DENND1A: variants seen among roughly 807,000 people sequenced by gnomAD.
DENND1A encodes DENN domain containing 1A.
A neutral mutation model predicts 113.7 loss-of-function variants in DENND1A; 51 were observed. The ratio of observed to expected loss-of-function variants is 0.45; its 90% CI spans 0.36 to 0.57. DENND1A has a LOEUF of 0.57. Ranked by LOEUF, DENND1A falls within the 20% of genes least tolerant of loss-of-function variation. The probability of loss-of-function intolerance (pLI) is 0.00; values close to 1 mark genes in which losing one functional copy is unlikely to be tolerated. For missense variants in DENND1A, 1,258 were observed against 1,395.9 expected (o/e 0.90, Z 1.57); for synonymous variants, 565 against 570.8 (o/e 0.99, Z 0.14).
chr9:123,655,819 G>A (rs1433173442), intron 8 of DENND1A, among the ~76,000 whole-genome samples: 2 of 152,200 alleles, frequency 1.3e-5, no homozygotes, highest in Non-Finnish European at 2.9e-5. Context: ...CACTCTCCCA[G>A]CACTTTGCTT....
chr9:123,654,464 C>T (rs925327274), intron 8 of DENND1A, among the ~76,000 whole-genome samples: 1 of 151,876 alleles, frequency 6.6e-6, no homozygotes, highest in Admixed American at 6.6e-5. Flanking sequence ...GGAGACACAG[C>T]GTCAGAGACA....
chr9:123,724,432 G>T (rs976085214), intron 5 of DENND1A, among the ~76,000 whole-genome samples: 1 of 151,730 alleles, frequency 6.6e-6, no homozygotes, highest in Non-Finnish European at 1.5e-5. Context: ...CTTCAACTTT[G>T]GCACAAAGAG....
chr9:123,466,912 C>T (rs2049003952), intron 13 of DENND1A, among the ~76,000 whole-genome samples: 1 of 150,754 alleles, frequency 6.6e-6, no homozygotes. Flanking sequence ...CCGGGCTTGG[C>T]TAGTGGCTCA....
At chr9:123,428,642 T>C (rs1444407736) in intron 19 of DENND1A, among the ~76,000 whole-genome samples, 1 of 152,220 alleles carries the variant, frequency 6.6e-6, no homozygotes, top group African/African-American at 2.4e-5. Context: ...TGATCCTATA[T>C]ATAGAAAACC....
At chr9:123,905,303 G>T (rs1285106841) in intron 1 of DENND1A, among the ~76,000 whole-genome samples, 1 of 151,204 alleles carries the variant, frequency 6.6e-6, no homozygotes, top group Admixed American at 6.6e-5. Flanking sequence ...ATCAACTAAT[G>T]AGCAAAATAA....
chr9:123,837,507 T>C (rs897143782), intron 2 of DENND1A, among the ~76,000 whole-genome samples: 5 of 152,220 alleles, frequency 3.3e-5, no homozygotes, highest in African/African-American at 1.2e-4. Context: ...CAAACTATTT[T>C]AAAATTACTG....
Position 123,394,495 on chromosome 9 carries a change from A to G in DENND1A, c.1632-6637T>C, listed in dbSNP as rs56108932. ...GGCCTTGGGGTGGCTGCAGTCAAGC[A>G]GGAAGCATGCCTGGCTGCCCATCCC... is the stretch of plus-strand genomic sequence containing the variant. On this transcript the variant is annotated intron_variant, in intron 21 of 23. Transcript: ENST00000394215. Among the ~76,000 whole-genome samples the G allele has an allele frequency of 7.0e-3, 1,060 of 152,250 alleles. 5 individuals carry two copies. The highest frequency in any genetic ancestry group is 0.018 in the African/African-American group (750 of 41,554).
intron 13 of DENND1A, among the ~76,000 whole-genome samples, chr9:123,550,759 T>C (rs775712439): frequency 1.3e-5 from 2 of 152,236 alleles, no homozygotes; most frequent in African/African-American, 2.4e-5. Context: ...AAAAATTCTT[T>C]CGTTCTCTCT....
At chr9:123,650,961 AT>A (rs2062617677) in intron 9 of DENND1A, among the ~76,000 whole-genome samples, 1 of 151,564 alleles carries the variant, frequency 6.6e-6, no homozygotes, top group Non-Finnish European at 1.5e-5. Context: ...TGGATGATAA[AT>A]AGTTGAATAA....
chr9:123,723,009 C>T (rs1029118218), intron 5 of DENND1A, among the ~76,000 whole-genome samples: 1 of 152,240 alleles, frequency 6.6e-6, no homozygotes, highest in African/African-American at 2.4e-5. Context: ...AATACCAGCC[C>T]ATGAAAGCAG....
intron 2 of DENND1A, among the ~76,000 whole-genome samples, chr9:123,794,316 G>A (rs1833459435): frequency 6.6e-6 from 1 of 152,172 alleles, no homozygotes; most frequent in Admixed American, 6.5e-5. Flanking sequence ...AAGAGCAGTG[G>A]CTATAATCCC....
At chr9:123,878,759 T>C (rs1847889220) in intron 2 of DENND1A, among the ~76,000 whole-genome samples, 192 bp downstream of exon 2, 1 of 152,226 alleles carries the variant, frequency 6.6e-6, no homozygotes, top group Non-Finnish European at 1.5e-5. Flanking sequence ...CTTGAACTCT[T>C]AATTCAGACT....
At chr9:123,641,065 A>G (rs1181846396) in intron 9 of DENND1A, among the ~76,000 whole-genome samples, 1 of 152,230 alleles carries the variant, frequency 6.6e-6, no homozygotes, top group Non-Finnish European at 1.5e-5. Context: ...CGATGATTTC[A>G]TGGTCTAACC....
chr9:123,796,472 C>T (rs1833771028), intron 2 of DENND1A, among the ~76,000 whole-genome samples: 1 of 152,084 alleles, frequency 6.6e-6, no homozygotes, highest in South Asian at 2.1e-4. Flanking sequence ...TCTCAACAGT[C>T]TATGTTTTCC....
At chr9:123,823,626 A>T (rs1344516253) in intron 2 of DENND1A, among the ~76,000 whole-genome samples, 2 of 152,138 alleles carry the variant, frequency 1.3e-5, no homozygotes, top group Non-Finnish European at 2.9e-5. Flanking sequence ...TCCAAACATA[A>T]CTCTAGCTGT....
chr9:123,882,091 T>C (rs1162444593), intron 1 of DENND1A, among the ~76,000 whole-genome samples: 1 of 152,142 alleles, frequency 6.6e-6, no homozygotes, highest in African/African-American at 2.4e-5. Context: ...ATTGCTTAGA[T>C]GATCTCATTC....
At chr9:123,744,826 A>C (rs1219608718) in intron 5 of DENND1A, among the ~76,000 whole-genome samples, 1 of 129,454 alleles carries the variant, frequency 7.7e-6, no homozygotes, top group Non-Finnish European at 1.5e-5. Flanking sequence ...CCCAGGCTGG[A>C]GTGCAATGGT....
intron 22 of DENND1A, among the ~76,000 whole-genome samples, chr9:123,387,086 C>T (rs1418058445): frequency 6.6e-6 from 1 of 152,234 alleles, no homozygotes; most frequent in African/African-American, 2.4e-5. Context: ...AAAGCTGTCT[C>T]TCTGCTCAAT....
Position 123,422,115 on chromosome 9 carries a change from C to T in DENND1A, c.1489-10286G>A, listed in dbSNP as rs903009519. Among the ~76,000 whole-genome samples the T allele has an allele frequency of 6.6e-6, 1 of 152,214 alleles. No homozygotes were observed. Among genetic ancestry groups the T allele is most frequent in the Non-Finnish European group, 1.5e-5 (1 of 68,040 alleles). ...TGTCCTTCCCCTAAGAAGGTGAGTCCTTGAGGGTTCACATCTGGCTCCTGG... is the reference window on the plus strand; with the variant it reads ...TGTCCTTCCCCTAAGAAGGTGAGTCTTTGAGGGTTCACATCTGGCTCCTGG... On this transcript the variant is annotated intron_variant, in intron 19 of 23. Transcript: ENST00000394215. This position sits in a 1 kb window ranked among gnomAD's most constrained non-coding sequence, Gnocchi z 4.8.
Sources: allele counts gnomAD v4.1 joint callset (sites outside exome capture counted in the v4.1 genomes callset), GRCh38; gene constraint gnomAD v4.1.1; non-coding constraint Gnocchi (gnomAD v3.1); transcripts MANE v1.5; gene names NCBI Gene and HGNC (gene_info 2026-07-23, HGNC 2026-07-21).